Variants in FHIP2A observed in about 807,000 individuals in gnomAD.
FHIP2A encodes FHF complex subunit HOOK interacting protein 2A.
FHIP2A carries 46 observed loss-of-function variants against 93.5 expected under a neutral mutation model. The ratio of observed to expected loss-of-function variants is 0.49; its 90% CI spans 0.39 to 0.63. The LOEUF is 0.63. FHIP2A is among the 20% of genes least tolerant of loss of function. The pLI is 0.00. For synonymous variants in FHIP2A, 332 were observed against 326.5 expected (o/e 1.02, Z -0.18); for missense variants, 769 against 909.7 (o/e 0.85, Z 1.99).
In FHIP2A at chr10:114,848,710, C is replaced by T; in HGVS notation, c.1776C>T (p.Asp592=). The T allele has an allele frequency of 6.2e-7, 1 of 1,612,970 alleles. No individual in the cohort carries two copies. Among genetic ancestry groups the T allele is most frequent in the Non-Finnish European group, 8.5e-7 (1 of 1,179,344 alleles). ...SSYHVEGTGY[D]TYLRDAHRQF... is the part of the protein sequence containing the mutation. ...ACCATGTTGAGGGCACAGGATATGA[C>T]ACTTACCTCCGAGACGCTCATAGGC... Residue 592 remains aspartate, a synonymous_variant, in exon 13 of 17, where the codon GAC becomes GAT. Coordinates refer to ENST00000369248, the MANE Select transcript of FHIP2A (RefSeq NM_020940.4).
At chr10:114,899,353 A>G in intron 16 of FHIP2A, 1 of 575,936 alleles carries the variant, frequency 1.7e-6, no homozygotes, top group Non-Finnish European at 3.2e-6. Context: ...TGTAAGCACA[A>G]AATAATATGT....
Position 114,862,543 on chromosome 10 carries a change from C to A in FHIP2A, c.*1003C>A. 1.0e-6 allele frequency: 1 copy of A among 987,246 alleles called. No homozygotes were observed. The highest frequency in any genetic ancestry group is 1.2e-6 in the Non-Finnish European group (1 of 829,964). The allele number at this position is 987,246 out of a possible 1,614,324, so 61.2% of individuals were successfully genotyped here. On this transcript the variant is annotated 3_prime_UTR_variant, in exon 17 of 17. Coordinates refer to ENST00000369248, the MANE Select transcript of FHIP2A (RefSeq NM_020940.4). ...GTTCAGTCTTTTGTTTTAAATGATT[C>A]TAAAGAGATTAAAGAAAACAGAGTT...
Position 114,830,908 on chromosome 10 carries a change from C to T in FHIP2A, c.102C>T (p.Thr34=), listed in dbSNP as rs775617894. 5 of 1,606,206 alleles carry T rather than the reference C, an allele frequency of 3.1e-6. No individual in the cohort carries two copies. The East Asian group carries it at 1.1e-4, about 36-fold the overall frequency. ...EDFVYHWKAI[T]HYYIETSDDK... is the part of the protein sequence containing the mutation. ...TTGTTTATCACTGGAAGGCAATTAC[C>T]CATTACTACATAGAGACTTCAGGTA... Residue 34 remains threonine (T), a synonymous_variant, in exon 2 of 17, where the codon ACC becomes ACT. Coordinates refer to ENST00000369248, the MANE Select transcript of FHIP2A (RefSeq NM_020940.4).
chr10:114,852,060 C>T (rs952713717), intron 13 of FHIP2A, among the ~76,000 whole-genome samples: 33 of 151,692 alleles, frequency 2.2e-4, no homozygotes, highest in South Asian at 8.4e-4. Flanking sequence ...TCGCTGAACT[C>T]GTTTAAACCA....
intron 16 of FHIP2A, among the ~76,000 whole-genome samples, chr10:114,894,813 C>G (rs2083992576): frequency 6.6e-6 from 1 of 152,074 alleles, no homozygotes; most frequent in Admixed American, 6.6e-5. Flanking sequence ...TGGGAACGAC[C>G]TAGAGTGTGT....
chr10:114,885,137 A>G (rs7077148), intron 16 of FHIP2A, among the ~76,000 whole-genome samples: 62,268 of 151,446 alleles, frequency 0.41, 12,913 homozygotes, highest in South Asian at 0.48. Flanking sequence ...GCTCATGCCT[A>G]TAATCCCAGC....
At chr10:114,852,982 C>T (rs1051940012) in intron 13 of FHIP2A, among the ~76,000 whole-genome samples, 14 of 152,164 alleles carry the variant, frequency 9.2e-5, no homozygotes, top group African/African-American at 2.7e-4. Context: ...AATGCCAGCT[C>T]GTGATTTATT....
At chr10:114,882,310 G>A (rs932971843) in intron 16 of FHIP2A, among the ~76,000 whole-genome samples, 1 of 152,170 alleles carries the variant, frequency 6.6e-6, no homozygotes, top group Non-Finnish European at 1.5e-5. Context: ...TGTGGCTGGA[G>A]AGCCCATGTG....
intron 16 of FHIP2A, among the ~76,000 whole-genome samples, chr10:114,879,097 A>G (rs2083904263): frequency 6.6e-6 from 1 of 152,212 alleles, no homozygotes; most frequent in Non-Finnish European, 1.5e-5. Flanking sequence ...CCAATATTCC[A>G]TATTTATAGA....
chr10:114,847,027 C>G, intron 11 of FHIP2A, 63 bp from the exon 12 acceptor site: 1 of 1,380,342 alleles, frequency 7.2e-7, no homozygotes, highest in Non-Finnish European at 1.0e-6. Flanking sequence ...AGCAGAGAAT[C>G]TTTTGGTTTA....
At chr10:114,881,889 A>T (rs1388943949) in intron 16 of FHIP2A, among the ~76,000 whole-genome samples, 1 of 152,204 alleles carries the variant, frequency 6.6e-6, no homozygotes, top group Non-Finnish European at 1.5e-5. Flanking sequence ...CATTTCCAAG[A>T]CAGTCAAGAC....
At chr10:114,878,370 C>T (rs1280804954) in intron 16 of FHIP2A, among the ~76,000 whole-genome samples, 1 of 152,170 alleles carries the variant, frequency 6.6e-6, no homozygotes, top group East Asian at 1.9e-4. Flanking sequence ...CCTAGTCCAA[C>T]CAACTGAGGC....
At chr10:114,841,439 C>T (rs766158307) in intron 5 of FHIP2A, among the ~76,000 whole-genome samples, 1 of 151,936 alleles carries the variant, frequency 6.6e-6, no homozygotes, top group Non-Finnish European at 1.5e-5. Context: ...ATTGCAGGCA[C>T]ATGCCACCAC....
In FHIP2A at chr10:114,861,331, C is replaced by CT; in HGVS notation, c.2190dup (p.Ile731TyrfsTer3). 2 of 1,614,100 alleles carry CT rather than the reference C, an allele frequency of 1.2e-6. No homozygotes were observed. ...TTACTTGGTTTGGAACCTGAAGGCC[C>CT]TATGTAAGTTAGTGTTTTACATTTT... On this transcript the variant is annotated frameshift_variant, in exon 16 of 17. Transcript: ENST00000369248. LOFTEE classifies it high-confidence loss of function.
intron 5 of FHIP2A, among the ~76,000 whole-genome samples, chr10:114,840,493 T>C (rs1045427788): frequency 4.6e-5 from 7 of 152,226 alleles, no homozygotes; most frequent in Non-Finnish European, 2.9e-5. Context: ...TTAAGTTAAA[T>C]TGGCAGCAGC....
At position 114,863,854 on chromosome 10, in the gene FHIP2A, T is replaced by C; in HGVS notation, c.*2314T>C. ...TTGCCATAGCAAGTTCCAAAGTGAA[T>C]TTCAGCCTTGCTTCACATTTGTATC... On this transcript the variant is annotated 3_prime_UTR_variant, in exon 17 of 17. Coordinates refer to ENST00000369248, the MANE Select transcript of FHIP2A (RefSeq NM_020940.4). 9.4e-7 allele frequency: 1 copy of C among 1,064,264 alleles called. No individual in the cohort carries two copies. The highest frequency in any genetic ancestry group is 1.1e-6 in the Non-Finnish European group (1 of 871,344). The allele number at this position is 1,064,264 out of a possible 1,614,324, so 65.9% of individuals were successfully genotyped here.
intron 14 of FHIP2A, among the ~76,000 whole-genome samples, chr10:114,856,561 A>G (rs1243487230): frequency 6.6e-6 from 1 of 152,224 alleles, no homozygotes; most frequent in East Asian, 1.9e-4. Context: ...GGTAATAACA[A>G]TGAGTATCAA....
chr10:114,828,740 A>G (rs1483296448), intron 1 of FHIP2A, among the ~76,000 whole-genome samples: 3 of 151,560 alleles, frequency 2.0e-5, no homozygotes, highest in African/African-American at 7.3e-5. Flanking sequence ...TTTTCTCCCC[A>G]TGTTCTCCTT....
chr10:114,888,124 C>T (rs755011429), intron 16 of FHIP2A, among the ~76,000 whole-genome samples: 12 of 152,190 alleles, frequency 7.9e-5, no homozygotes, highest in Non-Finnish European at 2.9e-5. Flanking sequence ...CCAGCTCCCA[C>T]GAGGGTGTCA....
Sources: gnomAD v4.1 joint callset for allele counts (sites outside exome capture counted in the v4.1 genomes callset) on GRCh38, gnomAD v4.1.1 for gene constraint, MANE v1.5 for transcripts, NCBI Gene and HGNC (gene_info 2026-07-23, HGNC 2026-07-21) for gene names.